The following FNDC1 variants were observed in gnomAD, a reference collection of about 807,000 sequenced individuals.
FNDC1 encodes the protein fibronectin type III domain containing 1.
Under a neutral mutation model 168.0 loss-of-function variants are expected in FNDC1, and 96 were observed. That is an observed-to-expected ratio of 0.57 (90% CI 0.48 to 0.68). The LOEUF is 0.68. FNDC1 is among the 30% of genes least tolerant of loss of function. FNDC1 has a pLI of 0.00. For missense variants in FNDC1, 2,587 were observed against 2,482.1 expected (o/e 1.04, Z -0.90); for synonymous variants, 1,099 against 1,025.9 (o/e 1.07, Z -1.36).
At chr6:159,270,049 G>T (rs1030512237) in intron 22 of FNDC1, among the ~76,000 whole-genome samples, 1 of 152,164 alleles carries the variant, frequency 6.6e-6, no homozygotes, top group East Asian at 1.9e-4. Context: ...AATTATCCAG[G>T]TGTGGTGGTG....
intron 1 of FNDC1, among the ~76,000 whole-genome samples, chr6:159,174,202 G>A (rs1781717295): frequency 6.6e-6 from 1 of 152,206 alleles, no homozygotes; most frequent in Admixed American, 6.5e-5. Flanking sequence ...TACAAACTTT[G>A]GTGCCTTTGG....
chr6:159,251,802 T>C (rs1163449526), intron 17 of FNDC1, among the ~76,000 whole-genome samples: 4 of 152,196 alleles, frequency 2.6e-5, no homozygotes, highest in Non-Finnish European at 4.4e-5. Context: ...TTGAGCTCAG[T>C]ACTTCATCTT....
intron 4 of FNDC1, among the ~76,000 whole-genome samples, chr6:159,213,022 C>T (rs1475307306): frequency 2.6e-5 from 4 of 152,194 alleles, no homozygotes; most frequent in Non-Finnish European, 5.9e-5. Flanking sequence ...ATCCTACTTA[C>T]CTTGGAGCTG....
At chr6:159,207,108 C>T (rs763094687) in intron 4 of FNDC1, among the ~76,000 whole-genome samples, 2 of 152,190 alleles carry the variant, frequency 1.3e-5, no homozygotes, top group Non-Finnish European at 2.9e-5. Context: ...GGCACCCCCC[C>T]ACCCCAGCAG....
chr6:159,252,931 T>C (rs1034118009), intron 17 of FNDC1, among the ~76,000 whole-genome samples: 2 of 152,194 alleles, frequency 1.3e-5, no homozygotes, highest in African/African-American at 4.8e-5. Context: ...CAAACACGCC[T>C]CAAGGGTTCT....
chr6:159,172,192 G>A (rs1450258863), intron 1 of FNDC1, among the ~76,000 whole-genome samples: 1 of 152,210 alleles, frequency 6.6e-6, no homozygotes, highest in Non-Finnish European at 1.5e-5. Context: ...AGTTACTACT[G>A]CTGATGACCA....
intron 1 of FNDC1, among the ~76,000 whole-genome samples, chr6:159,175,083 C>T (rs1383700236): frequency 4.6e-5 from 7 of 151,640 alleles, no homozygotes; most frequent in Admixed American, 1.3e-4. Context: ...TTTTTTTTAC[C>T]GCAGTCTCCT....
At chr6:159,215,388 C>T (rs1782688680) in intron 5 of FNDC1, among the ~76,000 whole-genome samples, 1 of 152,224 alleles carries the variant, frequency 6.6e-6, no homozygotes. Context: ...GCTTCCTGAT[C>T]CGACAGCACA....
chr6:159,262,473 C>T (rs1049782669), intron 19 of FNDC1, among the ~76,000 whole-genome samples: 1 of 152,138 alleles, frequency 6.6e-6, no homozygotes, highest in African/African-American at 2.4e-5. Context: ...AATTAGGAAA[C>T]AGCAAGAGAA....
intron 4 of FNDC1, among the ~76,000 whole-genome samples, chr6:159,210,618 G>A (rs1200360242): frequency 1.3e-5 from 2 of 152,178 alleles, no homozygotes; most frequent in African/African-American, 4.8e-5. Flanking sequence ...CAATTCAAAG[G>A]TGTTTCAGGA....
At chr6:159,264,853 A>G (rs1777557033) in intron 19 of FNDC1, 122 bp from the exon 20 acceptor site, 2 of 756,422 alleles carry the variant, frequency 2.6e-6, no homozygotes, top group South Asian at 4.2e-5. Flanking sequence ...GTTGGCATCT[A>G]TCAAACCTTA....
At chr6:159,195,513 C>A (rs1782224580) in intron 1 of FNDC1, among the ~76,000 whole-genome samples, 1 of 152,086 alleles carries the variant, frequency 6.6e-6, no homozygotes, top group African/African-American at 2.4e-5. Flanking sequence ...TAATAAGAGA[C>A]CAATTCCGAG....
At position 159,233,338 on chromosome 6, in the gene FNDC1, C is replaced by T. The variant is rs1360257237; in HGVS notation, c.2826C>T (p.Tyr942=). 1 of 1,613,956 alleles carries T rather than the reference C, an allele frequency of 6.2e-7. No homozygotes were observed. The highest frequency in any genetic ancestry group is 2.2e-5 in the East Asian group (1 of 44,876). ...CAGATACACATCCTCAGGGCAAGTA[C>T]TCCTCCCTGGCCTCCAAGGCTCAGG... is the stretch of plus-strand genomic sequence containing the variant. The part of the protein sequence containing the change: ...TGADTHPQGK[Y]SSLASKAQDV... Residue 942 remains tyrosine (Y), a synonymous_variant, in exon 11 of 23, where the codon TAC becomes TAT. Coordinates refer to ENST00000297267, the MANE Select transcript of FNDC1 (RefSeq NM_032532.3). This position sits in a 1 kb window ranked among gnomAD's most constrained non-coding sequence, Gnocchi z 4.6.
chr6:159,215,063 T>C lies in FNDC1; in HGVS notation c.579T>C (p.Gly193=). 6.2e-7 allele frequency: 1 copy of C among 1,613,922 alleles called. No individual in the cohort carries two copies. The highest frequency in any genetic ancestry group is 1.3e-5 in the African/African-American group (1 of 75,018). ...SGAKSPRRSR[G]FLLGYGESGR... ...CCAAGAGTCCACGCAGATCACGGGG[T>C]TTTCTCCTGGGCTACGGGGAGAGTG... The change falls in exon 5 of 23, where the codon GGT becomes GGC. Residue 193 remains glycine, a synonymous_variant. Coordinates refer to ENST00000297267, the MANE Select transcript of FNDC1 (RefSeq NM_032532.3).
chr6:159,237,095 C>G (rs149738397), intron 12 of FNDC1, among the ~76,000 whole-genome samples: 2,595 of 152,204 alleles, frequency 0.017, 85 homozygotes, highest in African/African-American at 0.059. Context: ...TCTAAAGATG[C>G]ATGTTATCAT....
At chr6:159,216,029 T>C (rs1782702939) in intron 5 of FNDC1, among the ~76,000 whole-genome samples, 1 of 152,170 alleles carries the variant, frequency 6.6e-6, no homozygotes, top group South Asian at 2.1e-4. Flanking sequence ...TGGCGCAATC[T>C]TGGCCCACGG....
chr6:159,207,269 T>C (rs1782505117), intron 4 of FNDC1, among the ~76,000 whole-genome samples: 1 of 152,234 alleles, frequency 6.6e-6, no homozygotes, highest in Non-Finnish European at 1.5e-5. Flanking sequence ...GACACCAGGA[T>C]GTGTGCTTAT....
At chr6:159,207,967 C>T (rs1472836271) in intron 4 of FNDC1, among the ~76,000 whole-genome samples, 1 of 152,212 alleles carries the variant, frequency 6.6e-6, no homozygotes, top group Non-Finnish European at 1.5e-5. Context: ...GGGATCCAGC[C>T]ATTAAGATTG....
At position 159,271,356 on chromosome 6, in the gene FNDC1, G is replaced by A. The variant is rs1173618518; in HGVS notation, c.5599G>A (p.Val1867Ile). The change falls in exon 23 of 23, where the codon GTC becomes ATC. Residue 1867 changes from valine (V) to isoleucine (I), a missense_variant. By Grantham distance (29) the Val-to-Ile change is conservative (BLOSUM62 3). Transcript: ENST00000297267. ...CTATCGCCAGTATCGTCAGGAGCCT[G>A]TCAGGTTTGGGAACATCGGCTTCGG... Reference protein sequence around the residue: ...GYYRQYRQEPVRFGNIGFGTP... With the variant: ...GYYRQYRQEPIRFGNIGFGTP... 1 of 1,611,948 alleles carries A rather than the reference G, an allele frequency of 6.2e-7. No individual in the cohort carries two copies.
Sources: gnomAD v4.1 joint callset for allele counts (sites outside exome capture counted in the v4.1 genomes callset) on GRCh38, gnomAD v4.1.1 for gene constraint, Gnocchi (gnomAD v3.1) non-coding constraint, MANE v1.5 for transcripts, NCBI Gene and HGNC (gene_info 2026-07-23, HGNC 2026-07-21) for gene names.